L3MBTL4: variants seen among roughly 807,000 people sequenced by gnomAD.
The protein encoded by L3MBTL4 is lethal(3)malignant brain tumor-like protein 4.
Under a neutral mutation model 84.5 loss-of-function variants are expected in L3MBTL4, and 70 were observed. That is an observed-to-expected ratio of 0.83 (90% confidence interval 0.68 to 1.01). The LOEUF (loss-of-function observed/expected upper bound fraction) is 1.01. L3MBTL4 is among the 50% of genes least tolerant of loss of function. The pLI is 0.00. For synonymous variants in L3MBTL4, 274 were observed against 259.8 expected (o/e 1.05, Z -0.52); for missense variants, 715 against 754.8 (o/e 0.95, Z 0.62).
At chr18:6,121,722 G>GTGTGTGTGTGTGTGTA (rs1555660826) in intron 14 of L3MBTL4, among the ~76,000 whole-genome samples, 1 of 143,592 alleles carries the variant, frequency 7.0e-6, no homozygotes, top group African/African-American at 2.6e-5. Context: ...GTGTGTGTAT[G>GTGTGTGTGTGTGTGTA]TGTGTGTGCA....
intron 13 of L3MBTL4, among the ~76,000 whole-genome samples, chr18:6,159,301 T>C (rs1356714552): frequency 1.3e-5 from 2 of 152,180 alleles, no homozygotes; most frequent in African/African-American, 2.4e-5. Context: ...CATCTGATTA[T>C]AAAAGTGCAT....
At chr18:6,056,958 T>C (rs1238379709) in intron 16 of L3MBTL4, among the ~76,000 whole-genome samples, 1 of 152,214 alleles carries the variant, frequency 6.6e-6, no homozygotes, top group Non-Finnish European at 1.5e-5. Context: ...TTATCAGTAT[T>C]ACTATCATAG....
intron 16 of L3MBTL4, among the ~76,000 whole-genome samples, chr18:5,977,833 C>T (rs1475359391): frequency 1.3e-5 from 2 of 152,192 alleles, no homozygotes; most frequent in South Asian, 4.1e-4. Context: ...GGCCTCATCA[C>T]CCTCTGTGGC....
intron 4 of L3MBTL4, among the ~76,000 whole-genome samples, chr18:6,266,277 G>C (rs1262362644): frequency 2.6e-5 from 4 of 152,168 alleles, no homozygotes; most frequent in African/African-American, 9.7e-5. Context: ...ACTAACAGTG[G>C]CTACATGTGG....
chr18:6,302,882 T>C (rs1653454931), intron 3 of L3MBTL4, among the ~76,000 whole-genome samples: 1 of 152,092 alleles, frequency 6.6e-6, no homozygotes, highest in South Asian at 2.1e-4. Context: ...CCCCAGCTAC[T>C]CAGGAGGCTG....
intron 12 of L3MBTL4, among the ~76,000 whole-genome samples, chr18:6,176,681 T>A (rs146189123): frequency 2.7e-3 from 406 of 152,312 alleles, no homozygotes; most frequent in African/African-American, 9.4e-3. Flanking sequence ...GCACTACCCA[T>A]ATAATAATAA....
chr18:6,343,000 T>C lies in L3MBTL4; in HGVS notation c.-90-30944A>G, dbSNP rs139314360. Among the ~76,000 whole-genome samples, 224 of 152,280 alleles carry C rather than the reference T, an allele frequency of 1.5e-3. 2 individuals are homozygous for C. The highest frequency in any genetic ancestry group is 1.2e-3 in the Non-Finnish European group (80 of 68,012). ...TTGTCACAGAAGAAAACAAATGTTGTTACATATTGATAAAGGGGTCCATGC... is the reference window on the plus strand; with the variant it reads ...TTGTCACAGAAGAAAACAAATGTTGCTACATATTGATAAAGGGGTCCATGC... On this transcript the variant is annotated intron_variant, in intron 1 of 18. Coordinates refer to ENST00000317931, the MANE Select transcript of L3MBTL4 (RefSeq NM_001330559.2).
At chr18:6,313,137 G>A (rs1233975286) in intron 1 of L3MBTL4, among the ~76,000 whole-genome samples, 1 of 152,164 alleles carries the variant, frequency 6.6e-6, no homozygotes, top group African/African-American at 2.4e-5. Flanking sequence ...TTATGAGGCT[G>A]TAACCATCCC....
At chr18:6,312,421 C>A (rs1002895224) in intron 1 of L3MBTL4, among the ~76,000 whole-genome samples, 1 of 152,122 alleles carries the variant, frequency 6.6e-6, no homozygotes, top group African/African-American at 2.4e-5. Flanking sequence ...TGCAACTGAG[C>A]TCATCTCCCT....
At chr18:6,046,347 T>A (rs1243120504) in intron 16 of L3MBTL4, among the ~76,000 whole-genome samples, 1 of 152,186 alleles carries the variant, frequency 6.6e-6, no homozygotes, top group Non-Finnish European at 1.5e-5. Flanking sequence ...AGACAGATCA[T>A]CAAGGCAGAA....
At chr18:6,062,173 G>C (rs1241685252) in intron 16 of L3MBTL4, among the ~76,000 whole-genome samples, 1 of 151,922 alleles carries the variant, frequency 6.6e-6, no homozygotes, top group Non-Finnish European at 1.5e-5. Context: ...TTCTACTGGA[G>C]ACAAATTTCC....
chr18:6,071,993 T>C (rs927322796), intron 16 of L3MBTL4, among the ~76,000 whole-genome samples: 1 of 151,950 alleles, frequency 6.6e-6, no homozygotes. Context: ...CGGAAATAAA[T>C]ATAACAAACA....
At chr18:6,262,269 C>T (rs2048439863) in intron 5 of L3MBTL4, among the ~76,000 whole-genome samples, 1 of 152,186 alleles carries the variant, frequency 6.6e-6, no homozygotes, top group Non-Finnish European at 1.5e-5. Flanking sequence ...GTGAGCTACA[C>T]TGAACTGCCC....
intron 8 of L3MBTL4, among the ~76,000 whole-genome samples, chr18:6,240,745 A>T (rs1359201262): frequency 6.6e-6 from 1 of 152,228 alleles, no homozygotes; most frequent in Non-Finnish European, 1.5e-5. Context: ...ACGATTGTAT[A>T]ACACTGCTTT....
chr18:6,127,206 G>A (rs1426824294), intron 14 of L3MBTL4, among the ~76,000 whole-genome samples: 1 of 152,162 alleles, frequency 6.6e-6, no homozygotes, highest in Non-Finnish European at 1.5e-5. Flanking sequence ...TGTCCAACTT[G>A]CGGCCCATGG....
chr18:6,133,131 T>G lies in L3MBTL4; in HGVS notation c.1199+5063A>C, dbSNP rs1009450034. ...GTACCTGTCGCTCAAAATACTACAA[T>G]GAGAGGGCACAGTGTGCCAGGCTCT... is the stretch of plus-strand genomic sequence containing the variant. On this transcript the variant is annotated intron_variant, in intron 14 of 18. Transcript: ENST00000317931. 6.6e-5 allele frequency among the ~76,000 whole-genome samples: 10 copies of G among 152,270 alleles called. No individual in the cohort carries two copies. The South Asian group carries it at 2.1e-3, about 32-fold the overall frequency.
intron 10 of L3MBTL4, among the ~76,000 whole-genome samples, chr18:6,226,869 A>G (rs772088368): frequency 2.0e-5 from 3 of 152,200 alleles, no homozygotes; most frequent in Non-Finnish European, 2.9e-5. Flanking sequence ...ACTAACACCA[A>G]GATGAGGGAT....
At chr18:6,014,933 T>C (rs1424740839) in intron 16 of L3MBTL4, among the ~76,000 whole-genome samples, 1 of 151,792 alleles carries the variant, frequency 6.6e-6, no homozygotes, top group Non-Finnish European at 1.5e-5. Flanking sequence ...TGAGAAATCC[T>C]GGTGGCTTAG....
At chr18:5,976,221 A>T (rs966476666) in intron 16 of L3MBTL4, among the ~76,000 whole-genome samples, 13 of 152,374 alleles carry the variant, frequency 8.5e-5, no homozygotes, top group South Asian at 2.1e-4. Context: ...AGCAGAATGT[A>T]AAATATCTCC....
Sources: allele counts gnomAD v4.1 joint callset (sites outside exome capture counted in the v4.1 genomes callset), GRCh38; gene constraint gnomAD v4.1.1; transcripts MANE v1.5; gene names NCBI Gene and HGNC (gene_info 2026-07-23, HGNC 2026-07-21).